PELI2: variants seen among roughly 807,000 people sequenced by gnomAD.
PELI2 encodes the protein E3 ubiquitin-protein ligase pellino homolog 2.
Under a neutral mutation model 42.3 loss-of-function variants are expected in PELI2, and 23 were observed. The observed-to-expected ratio is 0.54, with a 90% CI of 0.39 to 0.77. The LOEUF is 0.77. PELI2 is among the 30% of genes least tolerant of loss of function. The pLI is 0.00. For missense variants in PELI2, 463 were observed against 553.2 expected (o/e 0.84, Z 1.64); for synonymous variants, 245 against 212.2 (o/e 1.15, Z -1.34).
intron 1 of PELI2, among the ~76,000 whole-genome samples, chr14:56,157,089 G>A (rs950550077): frequency 6.6e-6 from 1 of 152,084 alleles, no homozygotes; most frequent in Non-Finnish European, 1.5e-5. Context: ...ATGTATTTTC[G>A]TGGCGTACAT....
At chr14:56,140,388 A>T (rs979452679) in intron 1 of PELI2, among the ~76,000 whole-genome samples, 1 of 152,250 alleles carries the variant, frequency 6.6e-6, no homozygotes, top group Non-Finnish European at 1.5e-5. Context: ...AAATTAATCT[A>T]ATTTCTTCAA....
intron 2 of PELI2, among the ~76,000 whole-genome samples, chr14:56,202,729 G>T (rs1886374010): frequency 6.6e-6 from 1 of 152,178 alleles, no homozygotes; most frequent in African/African-American, 2.4e-5. Context: ...CTGATGTTCT[G>T]CAGTGGTGGG....
intron 2 of PELI2, among the ~76,000 whole-genome samples, chr14:56,192,969 G>T (rs1886005251): frequency 6.6e-6 from 1 of 152,190 alleles, no homozygotes; most frequent in African/African-American, 2.4e-5. Context: ...TTAAAAAGCT[G>T]CATTGCTGTA....
intron 3 of PELI2, among the ~76,000 whole-genome samples, chr14:56,280,220 T>G (rs1377482217): frequency 6.6e-6 from 1 of 152,064 alleles, no homozygotes; most frequent in Admixed American, 6.6e-5. Flanking sequence ...CTTTCATTAT[T>G]AAGAGGAGGG....
chr14:56,240,074 G>T (rs942181091), intron 2 of PELI2, among the ~76,000 whole-genome samples: 4 of 152,124 alleles, frequency 2.6e-5, no homozygotes, highest in Admixed American at 2.0e-4. Context: ...TAAGATATTT[G>T]GGCCAGATCA....
At chr14:56,281,814 T>C (rs1330619924) in intron 3 of PELI2, among the ~76,000 whole-genome samples, 2 of 152,066 alleles carry the variant, frequency 1.3e-5, no homozygotes, top group Non-Finnish European at 2.9e-5. Flanking sequence ...GAAAATATGC[T>C]CAACCTCATT....
rs186135894 is a variant in PELI2, at chr14:56,146,456, C to G, written c.77+27719C>G. Among the ~76,000 whole-genome samples, 17 of 152,270 alleles carry G rather than the reference C, an allele frequency of 1.1e-4. No homozygotes were observed. In the East Asian group the frequency reaches 2.5e-3, roughly 22 times the overall value. On this transcript the variant is annotated intron_variant, in intron 1 of 5. Coordinates refer to ENST00000267460, the MANE Select transcript of PELI2 (RefSeq NM_021255.3). ...GGAGAGAGAGGTGCAAACATACTTT[C>G]ACCATATGATGTGCTCATTACTGTA... is the stretch of plus-strand genomic sequence containing the variant.
At chr14:56,203,353 A>G (rs145493903) in intron 2 of PELI2, among the ~76,000 whole-genome samples, 171 of 152,270 alleles carry the variant, frequency 1.1e-3, no homozygotes, top group Non-Finnish European at 2.0e-3. Flanking sequence ...TCTAGGGGTG[A>G]AGTATCGTAA....
At chr14:56,203,553 C>T (rs1222660051) in intron 2 of PELI2, among the ~76,000 whole-genome samples, 2 of 152,054 alleles carry the variant, frequency 1.3e-5, no homozygotes, top group Non-Finnish European at 2.9e-5. Flanking sequence ...ACATTAATTT[C>T]TCAGAGTTGG....
chr14:56,286,820 A>G (rs148847730), intron 3 of PELI2, among the ~76,000 whole-genome samples: 144 of 152,286 alleles, frequency 9.5e-4, no homozygotes, highest in African/African-American at 3.4e-3. Flanking sequence ...AAATTTTACC[A>G]GCACTCTAGA....
At chr14:56,214,295 T>A (rs1377924320) in intron 2 of PELI2, among the ~76,000 whole-genome samples, 1 of 152,142 alleles carries the variant, frequency 6.6e-6, no homozygotes, top group Admixed American at 6.6e-5. Flanking sequence ...GTAGAGCCCC[T>A]GGAAGCTATG....
At chr14:56,241,284 T>TCCCTC (rs1566659204) in intron 2 of PELI2, among the ~76,000 whole-genome samples, 10 of 151,920 alleles carry the variant, frequency 6.6e-5, no homozygotes, top group Admixed American at 2.6e-4. Context: ...TCTTAAGATT[T>TCCCTC]AAAAAAATCC....
chr14:56,154,663 C>G (rs1478038016), intron 1 of PELI2, among the ~76,000 whole-genome samples: 1 of 152,218 alleles, frequency 6.6e-6, no homozygotes, highest in Non-Finnish European at 1.5e-5. Context: ...TGGACTAATA[C>G]AGACATTCAT....
chr14:56,215,499 C>T (rs868120335), intron 2 of PELI2, among the ~76,000 whole-genome samples: 1 of 152,128 alleles, frequency 6.6e-6, no homozygotes, highest in Non-Finnish European at 1.5e-5. Flanking sequence ...TTAGGACTTA[C>T]TTATAGCTTT....
intron 2 of PELI2, among the ~76,000 whole-genome samples, chr14:56,210,394 T>C (rs1296339964): frequency 1.3e-5 from 2 of 152,132 alleles, no homozygotes; most frequent in Non-Finnish European, 1.5e-5. Context: ...AGTCAGTGGC[T>C]TCTGTGTTTT....
intron 1 of PELI2, among the ~76,000 whole-genome samples, chr14:56,169,921 A>G (rs924886030): frequency 6.6e-5 from 10 of 152,338 alleles, no homozygotes; most frequent in South Asian, 2.1e-4. Flanking sequence ...TCATAAAACC[A>G]ATGTTAGGCG....
intron 2 of PELI2, among the ~76,000 whole-genome samples, chr14:56,223,427 G>A (rs1466033528): frequency 1.3e-5 from 2 of 152,072 alleles, no homozygotes; most frequent in Non-Finnish European, 2.9e-5. Flanking sequence ...GTAGTATTCA[G>A]CCCATAGGTG....
At chr14:56,264,706 T>TA (rs1888836513) in intron 2 of PELI2, among the ~76,000 whole-genome samples, 1 of 152,178 alleles carries the variant, frequency 6.6e-6, no homozygotes, top group Non-Finnish European at 1.5e-5. Flanking sequence ...TAAAGATTAT[T>TA]ATGTGATTAT....
At chr14:56,252,117 G>A (rs1041711696) in intron 2 of PELI2, among the ~76,000 whole-genome samples, 7 of 152,170 alleles carry the variant, frequency 4.6e-5, no homozygotes, top group Non-Finnish European at 8.8e-5. Context: ...AATGCTCTCT[G>A]TACCAGAAAT....
Sources: allele counts gnomAD v4.1 joint callset (sites outside exome capture counted in the v4.1 genomes callset), GRCh38; gene constraint gnomAD v4.1.1; transcripts MANE v1.5; gene names NCBI Gene and HGNC (gene_info 2026-07-23, HGNC 2026-07-21).